The following SPMIP2 variants were observed in gnomAD, a reference collection of about 807,000 sequenced individuals.
SPMIP2 encodes the protein protein SPMIP2.
the SPMIP2 span, among the ~76,000 whole-genome samples, chr4:159,050,841 G>C: frequency 6.6e-6 from 1 of 151,886 alleles, no homozygotes; most frequent in Non-Finnish European, 1.5e-5. Context: ...AGGCGCCGTG[G>C]TTCACGCCTG....
the SPMIP2 span, among the ~76,000 whole-genome samples, chr4:159,003,661 G>A: frequency 3.9e-5 from 6 of 152,144 alleles, no homozygotes; most frequent in African/African-American, 1.4e-4. Context: ...CCAAAGAGAT[G>A]AAAGAGATCA....
the SPMIP2 span, among the ~76,000 whole-genome samples, chr4:158,989,364 G>A: frequency 7.8e-3 from 1,180 of 151,912 alleles, 17 homozygotes; most frequent in African/African-American, 0.027. Context: ...GACTTTAACA[G>A]AATTAGAAAA....
chr4:158,923,065 G>A, the SPMIP2 span, among the ~76,000 whole-genome samples: 1 of 152,144 alleles, frequency 6.6e-6, no homozygotes, highest in Non-Finnish European at 1.5e-5. Context: ...AAAGTTAGTT[G>A]ACCATAAATG....
At chr4:158,979,273 A>C in the SPMIP2 span, among the ~76,000 whole-genome samples, 26 of 152,248 alleles carry the variant, frequency 1.7e-4, 1 homozygote, top group South Asian at 5.4e-3. Flanking sequence ...AAGCCAGTGG[A>C]TCTTAGCTTG....
chr4:159,048,205 T>C, the SPMIP2 span, among the ~76,000 whole-genome samples: 1 of 152,150 alleles, frequency 6.6e-6, no homozygotes, highest in Non-Finnish European at 1.5e-5. Context: ...AAGGACATAA[T>C]TGACCGTTTT....
At chr4:158,903,326 A>G in the SPMIP2 span, among the ~76,000 whole-genome samples, 1 of 152,028 alleles carries the variant, frequency 6.6e-6, no homozygotes, top group South Asian at 2.1e-4. Context: ...AGCCACTCCC[A>G]ATGAGATGAG....
chr4:159,000,898 A>T, the SPMIP2 span, among the ~76,000 whole-genome samples: 43 of 152,350 alleles, frequency 2.8e-4, no homozygotes, highest in Admixed American at 2.2e-3. Flanking sequence ...ACAGATATGT[A>T]ACATTTACCT....
chr4:159,023,077 AAAAT>A, the SPMIP2 span, among the ~76,000 whole-genome samples: 4 of 116,328 alleles, frequency 3.4e-5, no homozygotes, highest in Middle Eastern at 4.5e-3. Flanking sequence ...AAAATAAAAT[AAAAT>A]AAAAATATAT....
chr4:158,926,244 C>T, the SPMIP2 span, among the ~76,000 whole-genome samples: 23 of 151,528 alleles, frequency 1.5e-4, no homozygotes, highest in South Asian at 8.3e-4. Context: ...TTAGTTTGTA[C>T]GTCACTTTCC....
At chr4:158,946,929 C>A in the SPMIP2 span, among the ~76,000 whole-genome samples, 9,563 of 152,186 alleles carry the variant, frequency 0.063, 938 homozygotes, top group African/African-American at 0.21. Context: ...TTGAATGAAT[C>A]TATCAGCACC....
At chr4:158,978,202 G>T in the SPMIP2 span, among the ~76,000 whole-genome samples, 1 of 152,220 alleles carries the variant, frequency 6.6e-6, no homozygotes, top group Non-Finnish European at 1.5e-5. Context: ...GGAGCAGGTT[G>T]TTCAGTTTCC....
the SPMIP2 span, chr4:158,904,461 T>C: frequency 6.2e-7 from 1 of 1,610,576 alleles, no homozygotes; most frequent in Non-Finnish European, 8.5e-7. Flanking sequence ...TTTCTCAATA[T>C]TCAGGATTGA....
At chr4:158,994,738 C>T in the SPMIP2 span, among the ~76,000 whole-genome samples, 63 of 152,178 alleles carry the variant, frequency 4.1e-4, no homozygotes, top group South Asian at 6.2e-3. Flanking sequence ...GGTCAGAGAG[C>T]GATGGTGGGA....
At chr4:159,029,423 T>G in the SPMIP2 span, among the ~76,000 whole-genome samples, 3 of 152,208 alleles carry the variant, frequency 2.0e-5, no homozygotes, top group Non-Finnish European at 4.4e-5. Context: ...GACAAATTAA[T>G]GTACTTAATA....
the SPMIP2 span, among the ~76,000 whole-genome samples, chr4:159,035,382 G>C: frequency 6.6e-6 from 1 of 152,086 alleles, no homozygotes; most frequent in Non-Finnish European, 1.5e-5. Flanking sequence ...GAATACACTT[G>C]TTCACAGGTA....
chr4:159,042,741 C>T, the SPMIP2 span, among the ~76,000 whole-genome samples: 1 of 152,198 alleles, frequency 6.6e-6, no homozygotes, highest in African/African-American at 2.4e-5. Flanking sequence ...CTGCTCACTA[C>T]AACCTCTGCC....
At chr4:159,057,174 A>G in the SPMIP2 span, among the ~76,000 whole-genome samples, 1 of 152,214 alleles carries the variant, frequency 6.6e-6, no homozygotes, top group Non-Finnish European at 1.5e-5. Context: ...AAAAGAGAGA[A>G]CTATCATTAA....
chr4:159,016,382 A>G, the SPMIP2 span, among the ~76,000 whole-genome samples: 1 of 152,192 alleles, frequency 6.6e-6, no homozygotes, highest in Non-Finnish European at 1.5e-5. Flanking sequence ...CCTTTAGCCC[A>G]CTTATTATAC....
chr4:158,977,637 C>G, the SPMIP2 span, among the ~76,000 whole-genome samples: 1 of 76,822 alleles, frequency 1.3e-5, no homozygotes, highest in South Asian at 5.8e-4. Context: ...CTCTTTGAGA[C>G]GGAGTCTCGC....
Sources: allele counts gnomAD v4.1 joint callset (sites outside exome capture counted in the v4.1 genomes callset), GRCh38; gene constraint gnomAD v4.1.1; transcripts MANE v1.5; gene names NCBI Gene and HGNC (gene_info 2026-07-23, HGNC 2026-07-21).